The following ATP6V1A variants were observed in gnomAD, a reference collection of about 807,000 sequenced individuals.
ATP6V1A encodes the protein ATPase H+ transporting V1 subunit A.
ATP6V1A carries 18 observed loss-of-function variants against 70.1 expected under a neutral mutation model. That is an observed-to-expected ratio of 0.26 (90% CI 0.18 to 0.38). The LOEUF (loss-of-function observed/expected upper bound fraction) is 0.38, where lower values mean the gene tolerates loss of function less well. ATP6V1A is among the 10% of genes least tolerant of loss of function. The probability of loss-of-function intolerance (pLI) is 1.00; values close to 1 mark genes in which losing one functional copy is unlikely to be tolerated. For missense variants in ATP6V1A, 424 were observed against 772.4 expected (o/e 0.55, Z 5.35); for synonymous variants, 232 against 253.8 (o/e 0.91, Z 0.82).
chr3:113,784,675 A>G, intron 4 of ATP6V1A, 21 bp from the exon 5 acceptor site: 1 of 1,609,026 alleles, frequency 6.2e-7, no homozygotes, highest in Non-Finnish European at 8.5e-7. Context: ...CAAATTAAAC[A>G]GCAAATACAT....
At chr3:113,759,422 C>G (rs1708678240) in intron 1 of ATP6V1A, among the ~76,000 whole-genome samples, 1 of 151,120 alleles carries the variant, frequency 6.6e-6, no homozygotes, top group Non-Finnish European at 1.5e-5. Flanking sequence ...TGGAGTAGAG[C>G]CTTTTTGAGC....
At chr3:113,765,556 G>A (rs955793460) in intron 1 of ATP6V1A, among the ~76,000 whole-genome samples, 1 of 151,906 alleles carries the variant, frequency 6.6e-6, no homozygotes, top group Non-Finnish European at 1.5e-5. Context: ...AGTGAACTGA[G>A]ATGGTGCCAT....
chr3:113,763,538 G>A (rs1708730878), intron 1 of ATP6V1A, among the ~76,000 whole-genome samples: 1 of 152,230 alleles, frequency 6.6e-6, no homozygotes, highest in Admixed American at 6.5e-5. Context: ...CTTTAAGACT[G>A]TCATTCTACG....
At chr3:113,756,097 A>AT (rs943943516) in intron 1 of ATP6V1A, among the ~76,000 whole-genome samples, 3 of 152,180 alleles carry the variant, frequency 2.0e-5, no homozygotes. Flanking sequence ...ATTTTTCTAT[A>AT]TTTAACAAAT....
Position 113,810,165 on chromosome 3 carries a change from C to G in ATP6V1A, c.*738C>G, listed in dbSNP as rs1016031090. On this transcript the variant is annotated 3_prime_UTR_variant, in exon 15 of 15. Coordinates refer to ENST00000273398, the MANE Select transcript of ATP6V1A (RefSeq NM_001690.4). ...TCAAGTGATTCTCCTGCCTCAGCCT[C>G]CCGAGTAGCTGGGATTACAGGCATG... 1 of 152,072 alleles carries G rather than the reference C, an allele frequency of 6.6e-6. No individual in the cohort carries two copies. Among genetic ancestry groups the G allele is most frequent in the African/African-American group, 2.4e-5 (1 of 41,352 alleles). The allele number at this position is 152,072 out of a possible 1,614,324, so 9.4% of individuals were successfully genotyped here. A position where few individuals can be genotyped will look rare whatever the true frequency, so the allele number is the denominator to read the frequency against.
intron 1 of ATP6V1A, among the ~76,000 whole-genome samples, chr3:113,759,414 G>T (rs910363640): frequency 1.3e-5 from 2 of 151,376 alleles, no homozygotes; most frequent in Non-Finnish European, 2.9e-5. Flanking sequence ...ATATGTGTTG[G>T]AGTAGAGCCT....
At chr3:113,807,268 C>G (rs978228609) in intron 14 of ATP6V1A, among the ~76,000 whole-genome samples, 1 of 151,572 alleles carries the variant, frequency 6.6e-6, no homozygotes, top group Non-Finnish European at 1.5e-5. Flanking sequence ...CAACCTCCCC[C>G]TCCCAGGTTC....
intron 2 of ATP6V1A, 49 bp from the exon 3 acceptor site, chr3:113,781,001 C>A: frequency 6.5e-7 from 1 of 1,544,308 alleles, no homozygotes. Context: ...TGACTATTCA[C>A]AGAGCACTAG....
At chr3:113,789,033 C>T (rs1248656107) in intron 7 of ATP6V1A, among the ~76,000 whole-genome samples, 158 bp downstream of exon 7, 1 of 152,094 alleles carries the variant, frequency 6.6e-6, no homozygotes, top group Non-Finnish European at 1.5e-5. Context: ...TCTGTATATT[C>T]AAGAAAAGGA....
chr3:113,772,585 G>A lies in ATP6V1A; in HGVS notation c.-13-6156G>A, dbSNP rs539038500. Among the ~76,000 whole-genome samples the A allele has an allele frequency of 1.0e-3, 158 of 152,030 alleles. 1 individual carries two copies. The highest frequency in any genetic ancestry group is 2.0e-3 in the Non-Finnish European group (139 of 67,984). Reference sequence around the variant, plus strand: ...TACTAAAAATACAAAAAAATTAGCCGGGCGTGGTGGCAGGCACCTATAGTA... The same window carrying A: ...TACTAAAAATACAAAAAAATTAGCCAGGCGTGGTGGCAGGCACCTATAGTA... On this transcript the variant is annotated intron_variant, in intron 1 of 14. Transcript: ENST00000273398.
chr3:113,788,628 C>T (rs1709061607), intron 6 of ATP6V1A, 85 bp from the exon 7 acceptor site: 9 of 1,319,694 alleles, frequency 6.8e-6, no homozygotes, highest in African/African-American at 1.5e-5. Flanking sequence ...GGATTACAGG[C>T]GTGAGCCACC....
chr3:113,762,746 CATTATT>C (rs1040738356), intron 1 of ATP6V1A, among the ~76,000 whole-genome samples: 2 of 152,028 alleles, frequency 1.3e-5, no homozygotes, highest in African/African-American at 2.4e-5. Flanking sequence ...TAAGAAATTT[CATTATT>C]ATTATTAAGT....
chr3:113,809,973 G>C lies in ATP6V1A; in HGVS notation c.*546G>C, dbSNP rs773021033. 2.0e-5 allele frequency: 3 copies of C among 152,086 alleles called. No homozygotes were observed. The highest frequency in any genetic ancestry group is 4.4e-5 in the Non-Finnish European group (3 of 68,004). The allele number at this position is 152,086 out of a possible 1,614,324, so 9.4% of individuals were successfully genotyped here. ...TTCCAATTATGCATCACTTCCCCCA[G>C]TATAAATCAGGAATGTTTGTGAGAA... On this transcript the variant is annotated 3_prime_UTR_variant, in exon 15 of 15. Transcript: ENST00000273398.
chr3:113,771,298 G>A (rs1326456022), intron 1 of ATP6V1A, among the ~76,000 whole-genome samples: 1 of 152,176 alleles, frequency 6.6e-6, no homozygotes. Flanking sequence ...AAACAAATTA[G>A]TATGTTGTAT....
intron 1 of ATP6V1A, among the ~76,000 whole-genome samples, chr3:113,748,041 A>G (rs1577076984): frequency 1.3e-5 from 2 of 152,250 alleles, no homozygotes; most frequent in Middle Eastern, 3.4e-3. Flanking sequence ...TTTTCCCCTA[A>G]AATACTACTG....
At chr3:113,756,239 T>C (rs1197825093) in intron 1 of ATP6V1A, among the ~76,000 whole-genome samples, 3 of 152,174 alleles carry the variant, frequency 2.0e-5, no homozygotes, top group Admixed American at 1.3e-4. Context: ...ATGTAGCCTG[T>C]CATAGTATTA....
intron 1 of ATP6V1A, among the ~76,000 whole-genome samples, chr3:113,753,598 T>TG (rs1388397090): frequency 1.3e-5 from 2 of 152,158 alleles, no homozygotes; most frequent in Non-Finnish European, 2.9e-5. Flanking sequence ...AGGCATTTTA[T>TG]GGAATGTTGT....
intron 1 of ATP6V1A, among the ~76,000 whole-genome samples, chr3:113,750,314 C>G (rs760618683): frequency 3.9e-5 from 6 of 152,046 alleles, no homozygotes; most frequent in Admixed American, 1.3e-4. Flanking sequence ...CCTGTCTTTA[C>G]TTAAAAAAAT....
At chr3:113,806,459 T>C (rs1295503211) in intron 14 of ATP6V1A, among the ~76,000 whole-genome samples, 1 of 152,102 alleles carries the variant, frequency 6.6e-6, no homozygotes, top group Non-Finnish European at 1.5e-5. Context: ...GCAGGTCATT[T>C]TTTAACTTTT....
Sources: gnomAD v4.1 joint callset for allele counts (sites outside exome capture counted in the v4.1 genomes callset) on GRCh38, gnomAD v4.1.1 for gene constraint, MANE v1.5 for transcripts, NCBI Gene and HGNC (gene_info 2026-07-23, HGNC 2026-07-21) for gene names.